MOSMO: variants seen among roughly 807,000 people sequenced by gnomAD.
MOSMO encodes the protein modulator of smoothened.
In MOSMO, 5 loss-of-function variants were observed where a neutral mutation model predicts 18.4. The observed-to-expected ratio is 0.27, with a 90% CI of 0.14 to 0.57. The LOEUF (loss-of-function observed/expected upper bound fraction) is 0.57. Ranked by LOEUF, MOSMO falls within the 20% of genes least tolerant of loss-of-function variation. The probability of loss-of-function intolerance (pLI) is 0.92; values close to 1 mark genes in which losing one functional copy is unlikely to be tolerated. For missense variants in MOSMO, 138 were observed against 211.8 expected (o/e 0.65, Z 2.16); for synonymous variants, 82 against 82.3 (o/e 1.00, Z 0.02).
At position 22,034,922 on chromosome 16, in the gene MOSMO, C is replaced by T. The variant is rs377597633; in HGVS notation, c.106+26515C>T. Among the ~76,000 whole-genome samples the T allele has an allele frequency of 8.8e-4, 133 of 151,540 alleles. 2 individuals are homozygous for T. The highest frequency in any genetic ancestry group is 2.5e-3 in the African/African-American group (104 of 41,356). ...ATTTTGTTTGTATTTTTTGTAGAGA[C>T]GGGGTTTTGTCATGTTGCCCAGGCT... On this transcript the variant is annotated intron_variant, in intron 1 of 2. Coordinates refer to ENST00000542527, the MANE Select transcript of MOSMO (RefSeq NM_001164579.2).
chr16:22,016,577 G>C (rs1387045830), intron 1 of MOSMO, among the ~76,000 whole-genome samples: 2 of 152,154 alleles, frequency 1.3e-5, no homozygotes, highest in Non-Finnish European at 2.9e-5. Context: ...CCAAAACCAA[G>C]GAGTACTTGG....
intron 1 of MOSMO, among the ~76,000 whole-genome samples, chr16:22,037,649 ACCT>A (rs1362546874): frequency 3.5e-4 from 53 of 151,970 alleles, no homozygotes; most frequent in African/African-American, 1.3e-3. Flanking sequence ...CTTTCCCATC[ACCT>A]CCTCCTCAGT....
Position 22,083,585 on chromosome 16 carries a change from T to A in MOSMO, c.*2705T>A, listed in dbSNP as rs11861611. On this transcript the variant is annotated 3_prime_UTR_variant, in exon 3 of 3. Transcript: ENST00000542527. ...TACTATATAGTACAGTATTAATTTA[T>A]AGCAGGAAATCGTATCTTGTAAACT... is the stretch of plus-strand genomic sequence containing the variant. 0.013 allele frequency: 5,847 copies of A among 439,276 alleles called. 302 individuals are homozygous for A. The highest frequency in any genetic ancestry group is 0.11 in the African/African-American group (5,361 of 48,814). The allele number at this position is 439,276 out of a possible 1,614,324, so 27.2% of individuals were successfully genotyped here.
chr16:22,061,708 G>C (rs962571775), intron 1 of MOSMO, among the ~76,000 whole-genome samples: 2 of 152,188 alleles, frequency 1.3e-5, no homozygotes, highest in Non-Finnish European at 2.9e-5. Context: ...TCATGGTGTG[G>C]TGCTAGGCTT....
chr16:22,046,314 C>T (rs1281855925), intron 1 of MOSMO, among the ~76,000 whole-genome samples: 1 of 152,120 alleles, frequency 6.6e-6, no homozygotes, highest in Non-Finnish European at 1.5e-5. Flanking sequence ...TGTAAAGTCA[C>T]TGCAAACATT....
intron 1 of MOSMO, among the ~76,000 whole-genome samples, chr16:22,052,482 A>G (rs1188297789): frequency 6.6e-6 from 1 of 152,190 alleles, no homozygotes; most frequent in East Asian, 1.9e-4. Context: ...GATGTGTATG[A>G]ACCTTATAAC....
chr16:22,011,050 G>T (rs1899516848), intron 1 of MOSMO, among the ~76,000 whole-genome samples: 1 of 152,108 alleles, frequency 6.6e-6, no homozygotes, highest in South Asian at 2.1e-4. Flanking sequence ...GGAGATAGGA[G>T]CAATGGATGT....
intron 1 of MOSMO, among the ~76,000 whole-genome samples, chr16:22,008,805 G>A (rs1412909526): frequency 6.6e-6 from 1 of 151,750 alleles, no homozygotes; most frequent in Non-Finnish European, 1.5e-5. Flanking sequence ...TCCTGCAAGG[G>A]AATTAGAAAC....
intron 1 of MOSMO, 37 bp from the exon 2 acceptor site, chr16:22,075,450 A>G (rs1900945280): frequency 7.9e-7 from 1 of 1,271,878 alleles, no homozygotes; most frequent in Non-Finnish European, 1.0e-6. Context: ...GACAGGCCAA[A>G]CCCACTAAAG....
In MOSMO at chr16:22,020,992, T is replaced by G. The variant is rs1364370373; in HGVS notation, c.106+12585T>G. On this transcript the variant is annotated intron_variant, in intron 1 of 2. Transcript: ENST00000542527. Reference sequence around the variant, plus strand: ...TGGAATAACCTGTGGTAGAGTTAACTCAGTAGAGCTGAGGAAGATACGTAT... The same window carrying G: ...TGGAATAACCTGTGGTAGAGTTAACGCAGTAGAGCTGAGGAAGATACGTAT... Among the ~76,000 whole-genome samples the G allele has an allele frequency of 4.6e-5, 7 of 152,016 alleles. No individual in the cohort carries two copies. In the South Asian group the frequency reaches 1.5e-3, roughly 32 times the overall value.
intron 1 of MOSMO, among the ~76,000 whole-genome samples, chr16:22,061,522 G>C (rs1598019146): frequency 6.6e-6 from 1 of 152,178 alleles, no homozygotes; most frequent in Admixed American, 6.5e-5. Context: ...TTCTGTGGAT[G>C]TGTGTCTGGC....
intron 1 of MOSMO, among the ~76,000 whole-genome samples, chr16:22,041,381 G>A (rs1730419697): frequency 6.6e-6 from 1 of 152,142 alleles, no homozygotes; most frequent in African/African-American, 2.4e-5. Context: ...AGAATAACAT[G>A]GGAATTTTGT....
downstream of MOSMO, among the ~76,000 whole-genome samples, chr16:22,089,436 C>A (rs928292664): frequency 6.6e-6 from 1 of 152,138 alleles, no homozygotes; most frequent in African/African-American, 2.4e-5. Context: ...TTTACTGGGG[C>A]CCTTTCAGGA....
intron 1 of MOSMO, among the ~76,000 whole-genome samples, chr16:22,048,952 C>T (rs1004539475): frequency 2.0e-5 from 3 of 152,082 alleles, no homozygotes; most frequent in African/African-American, 7.2e-5. Context: ...ATTAACTAGC[C>T]CTTTTTCTCC....
intron 1 of MOSMO, among the ~76,000 whole-genome samples, chr16:22,038,416 T>C (rs1428159511): frequency 6.6e-6 from 1 of 152,082 alleles, no homozygotes; most frequent in East Asian, 1.9e-4. Flanking sequence ...GAGGGATTGA[T>C]AATGCACCAA....
intron 1 of MOSMO, among the ~76,000 whole-genome samples, chr16:22,071,672 G>C (rs1434479933): frequency 6.6e-6 from 1 of 152,172 alleles, no homozygotes; most frequent in Admixed American, 6.5e-5. Context: ...AGGCATGTGG[G>C]ATGCTGTAGT....
chr16:22,054,788 GA>G (rs1900500277), intron 1 of MOSMO, among the ~76,000 whole-genome samples: 1 of 152,114 alleles, frequency 6.6e-6, no homozygotes, highest in Non-Finnish European at 1.5e-5. Flanking sequence ...TTTAGAAAGA[GA>G]ATCTACTAAT....
At chr16:22,080,042 C>A (rs1269316292) in intron 2 of MOSMO, among the ~76,000 whole-genome samples, 5 of 152,130 alleles carry the variant, frequency 3.3e-5, no homozygotes, top group Non-Finnish European at 7.4e-5. Context: ...CCTCGGCCCC[C>A]CAAAGTGCTG....
chr16:22,069,161 C>T (rs1017880224), intron 1 of MOSMO, among the ~76,000 whole-genome samples: 2 of 152,056 alleles, frequency 1.3e-5, no homozygotes, highest in Non-Finnish European at 2.9e-5. Context: ...AGGAAGATAG[C>T]CCAGGAGCAA....
Sources: allele counts gnomAD v4.1 joint callset (sites outside exome capture counted in the v4.1 genomes callset), GRCh38; gene constraint gnomAD v4.1.1; transcripts MANE v1.5; gene names NCBI Gene and HGNC (gene_info 2026-07-23, HGNC 2026-07-21).